The following ZC3H12C variants were observed in gnomAD, a reference collection of about 807,000 sequenced individuals.
ZC3H12C encodes the protein probable ribonuclease ZC3H12C.
ZC3H12C carries 20 observed loss-of-function variants against 76.3 expected under a neutral mutation model. The observed-to-expected ratio is 0.26, with a 90% confidence interval of 0.18 to 0.38. The LOEUF (loss-of-function observed/expected upper bound fraction) is 0.38, where lower values mean the gene tolerates loss of function less well. Ranked by LOEUF, ZC3H12C falls within the 10% of genes least tolerant of loss-of-function variation. The pLI, the probability that ZC3H12C is intolerant of heterozygous loss-of-function variation, is 1.00. For missense variants in ZC3H12C, 874 were observed against 1,086.5 expected (o/e 0.80, Z 2.75); for synonymous variants, 352 against 399.6 (o/e 0.88, Z 1.42).
chr11:110,129,297 T>C (rs1861816318), intron 1 of ZC3H12C, among the ~76,000 whole-genome samples: 1 of 152,224 alleles, frequency 6.6e-6, no homozygotes, highest in African/African-American at 2.4e-5. Flanking sequence ...TACTTTATCT[T>C]TTAGTTTTCT....
chr11:110,163,535 G>T (rs185768470), intron 5 of ZC3H12C, among the ~76,000 whole-genome samples, 156 bp downstream of exon 5: 1 of 152,272 alleles, frequency 6.6e-6, no homozygotes, highest in Non-Finnish European at 1.5e-5. Context: ...CCATGAAAAA[G>T]AATTATTTTT....
chr11:110,131,004 A>G (rs958785856), intron 1 of ZC3H12C: 2 of 1,534,218 alleles, frequency 1.3e-6, no homozygotes, highest in African/African-American at 2.7e-5. Flanking sequence ...TCAACCATTC[A>G]TTGTTCTTCT....
At chr11:110,126,548 A>C (rs1030846210) in intron 1 of ZC3H12C, among the ~76,000 whole-genome samples, 1 of 151,970 alleles carries the variant, frequency 6.6e-6, no homozygotes, top group African/African-American at 2.4e-5. Flanking sequence ...TAAAATACCA[A>C]CAGTTTACTT....
chr11:110,149,452 G>A (rs979251200), intron 2 of ZC3H12C, among the ~76,000 whole-genome samples: 3 of 152,132 alleles, frequency 2.0e-5, no homozygotes, highest in African/African-American at 2.4e-5. Flanking sequence ...GAGAAAGTAC[G>A]CCTTCCGCTT....
intron 1 of ZC3H12C, among the ~76,000 whole-genome samples, chr11:110,116,440 A>ATAGAG (rs1355789981): frequency 1.3e-5 from 2 of 152,192 alleles, no homozygotes; most frequent in Non-Finnish European, 2.9e-5. Context: ...GCACAAAGGA[A>ATAGAG]TAGAGTCGGG....
At chr11:110,158,064 G>C (rs1613026) in intron 3 of ZC3H12C, among the ~76,000 whole-genome samples, 103,933 of 152,032 alleles carry the variant, frequency 0.68, 36,430 homozygotes, top group South Asian at 0.78. Context: ...CTCTGTGCCA[G>C]AACTTACAAT....
intron 2 of ZC3H12C, among the ~76,000 whole-genome samples, 199 bp downstream of exon 2, chr11:110,137,613 T>A (rs374864373): frequency 2.4e-4 from 36 of 152,318 alleles, no homozygotes; most frequent in African/African-American, 5.8e-4. Flanking sequence ...TATCCCCGTA[T>A]AGAGACCCAT....
Position 110,153,049 on chromosome 11 carries a change from C to G in ZC3H12C, c.904C>G (p.Leu302Val), listed in dbSNP as rs1862304802. 3 of 1,611,590 alleles carry G rather than the reference C, an allele frequency of 1.9e-6. No homozygotes were observed. Among genetic ancestry groups the G allele is most frequent in the African/African-American group, 1.3e-5 (1 of 75,036 alleles). The change falls in exon 3 of 6, where the codon CTC (leucine) becomes GTC (valine). Residue 302 changes from leucine (L) to valine (V), a missense_variant. Leu to Val is a conservative substitution (Grantham distance 32). Around this residue, in one of 3 missense-constraint regions of ZC3H12C, gnomAD observed 269 missense variants for 424.9 expected, o/e 0.63. Transcript: ENST00000278590. ...GAAAGAGCAATCCCGACCTGATGCTCTCATTACAGGTAGGCTTATTCCAGG... is the reference window on the plus strand; with the variant it reads ...GAAAGAGCAATCCCGACCTGATGCTGTCATTACAGGTAGGCTTATTCCAGG... ...WRKEQSRPDA[L>V]ITDQEILRKL...
intron 1 of ZC3H12C, among the ~76,000 whole-genome samples, chr11:110,134,461 G>A (rs376620195): frequency 2.0e-5 from 3 of 151,406 alleles, no homozygotes; most frequent in East Asian, 2.0e-4. Context: ...GCCATGGTGT[G>A]GACTTTTCTT....
chr11:110,151,803 T>C (rs1015842276), intron 2 of ZC3H12C, among the ~76,000 whole-genome samples: 6 of 152,204 alleles, frequency 3.9e-5, no homozygotes, highest in African/African-American at 7.2e-5. Context: ...TATGGAACCA[T>C]GTATTTTCTC....
Position 110,154,369 on chromosome 11 carries a change from C to CAA in ZC3H12C, c.913+1323_913+1324dup, listed in dbSNP as rs11410915. 2.6e-3 allele frequency among the ~76,000 whole-genome samples: 363 copies of CAA among 141,148 alleles called. 1 individual carries two copies. Among genetic ancestry groups the CAA allele is most frequent in the Middle Eastern group, 7.2e-3 (2 of 276 alleles). 92.6% of individuals were successfully genotyped at this position (141,148 alleles called of 152,430 possible). A position where few individuals can be genotyped will look rare whatever the true frequency, so the allele number is the denominator to read the frequency against. ...TGGGTGACACAGTGAGACCCCATCT[C>CAA]AAAAAAAAAAAAAGACTTAGTTTTT... is the stretch of plus-strand genomic sequence containing the variant. On this transcript the variant is annotated intron_variant, in intron 3 of 5. Transcript: ENST00000278590.
At chr11:110,143,087 A>C (rs559209972) in intron 2 of ZC3H12C, among the ~76,000 whole-genome samples, 1 of 152,374 alleles carries the variant, frequency 6.6e-6, no homozygotes, top group Non-Finnish European at 1.5e-5. Context: ...AGAATAACAA[A>C]ATAGGCATGC....
chr11:110,152,042 A>G (rs1362634059), intron 2 of ZC3H12C, among the ~76,000 whole-genome samples: 1 of 152,226 alleles, frequency 6.6e-6, no homozygotes, highest in African/African-American at 2.4e-5. Context: ...TCTCCGTTAT[A>G]GATAACAAAT....
chr11:110,154,412 C>G (rs1232087906), intron 3 of ZC3H12C, among the ~76,000 whole-genome samples: 2 of 151,618 alleles, frequency 1.3e-5, no homozygotes, highest in Non-Finnish European at 2.9e-5. Flanking sequence ...ATTATTACAT[C>G]ATTGTTAAAT....
intron 1 of ZC3H12C, among the ~76,000 whole-genome samples, chr11:110,113,211 A>G (rs1861466553): frequency 6.6e-6 from 1 of 152,212 alleles, no homozygotes; most frequent in Admixed American, 6.5e-5. Flanking sequence ...TGGAGATTGT[A>G]TGATGTTGAG....
chr11:110,108,414 A>AG (rs1197189353), intron 1 of ZC3H12C, among the ~76,000 whole-genome samples: 1 of 152,246 alleles, frequency 6.6e-6, no homozygotes, highest in Admixed American at 6.5e-5. Context: ...AGCTTTTCAG[A>AG]GGCTGGCAGA....
At chr11:110,163,214 T>G in intron 4 of ZC3H12C, 59 bp from the exon 5 acceptor site, 1 of 1,436,078 alleles carries the variant, frequency 7.0e-7, no homozygotes. Flanking sequence ...TGTACTCTTT[T>G]TAGAATTAAA....
intron 1 of ZC3H12C, among the ~76,000 whole-genome samples, chr11:110,123,356 T>TA (rs1861683619): frequency 6.6e-6 from 1 of 152,214 alleles, no homozygotes; most frequent in Non-Finnish European, 1.5e-5. Flanking sequence ...ATGAATTTTT[T>TA]AAAAAACACT....
rs143704034 is a variant in ZC3H12C, at chr11:110,096,467, G to A, written c.21+3035G>A. ...ACATGCATTATCTCATTTAACCCTT[G>A]AACACCTTTATGCATTGCTTCTATT... On this transcript the variant is annotated intron_variant, in intron 1 of 5. Transcript: ENST00000278590. 2.0e-5 allele frequency among the ~76,000 whole-genome samples: 3 copies of A among 152,250 alleles called. No homozygotes were observed. The East Asian group carries it at 5.8e-4, about 29-fold the overall frequency.
Sources: allele counts gnomAD v4.1 joint callset (sites outside exome capture counted in the v4.1 genomes callset), GRCh38; gene constraint gnomAD v4.1.1; regional missense constraint gnomAD v4.1.1; transcripts MANE v1.5; gene names NCBI Gene and HGNC (gene_info 2026-07-23, HGNC 2026-07-21).